The following ZNF536 variants were observed in gnomAD, a reference collection of about 807,000 sequenced individuals.
ZNF536 encodes the protein zinc finger protein 536.
A neutral mutation model predicts 84.5 loss-of-function variants in ZNF536; 13 were observed. The observed-to-expected ratio is 0.15, with a 90% CI of 0.10 to 0.24. ZNF536 has a LOEUF of 0.24. ZNF536 is among the 10% of genes least tolerant of loss of function. The probability of loss-of-function intolerance (pLI) is 1.00; values close to 1 mark genes in which losing one functional copy is unlikely to be tolerated. For missense variants in ZNF536, 1,536 were observed against 1,747.5 expected (o/e 0.88, Z 2.16); for synonymous variants, 811 against 742.5 (o/e 1.09, Z -1.50).
intron 1 of ZNF536, among the ~76,000 whole-genome samples, chr19:30,681,975 T>G (rs2050990766): frequency 6.6e-6 from 1 of 152,168 alleles, no homozygotes; most frequent in Non-Finnish European, 1.5e-5. Flanking sequence ...GTAAGCGATT[T>G]GTGCATAATC....
chr19:30,227,739 AGCCGCCGCC>A (rs532344713), upstream of ZNF536, among the ~76,000 whole-genome samples: 4 of 150,166 alleles, frequency 2.7e-5, no homozygotes, highest in East Asian at 4.1e-4. Context: ...TTCTCCCGGC[AGCCGCCGCC>A]GCCGCCGCCG....
At chr19:30,253,956 C>T (rs921897013) in intron 1 of ZNF536, among the ~76,000 whole-genome samples, 4 of 151,944 alleles carry the variant, frequency 2.6e-5, no homozygotes, top group African/African-American at 9.7e-5. Context: ...AAAGCAGAAG[C>T]TGTTCCTGTT....
intron 1 of ZNF536, among the ~76,000 whole-genome samples, chr19:30,244,114 C>T (rs16963956): frequency 0.14 from 21,503 of 152,192 alleles, 1,829 homozygotes; most frequent in South Asian, 0.32. Context: ...TTTCCAAGTA[C>T]CGATTGTCAG....
intron 1 of ZNF536, among the ~76,000 whole-genome samples, chr19:30,669,905 A>G (rs959105624): frequency 6.6e-6 from 1 of 152,232 alleles, no homozygotes; most frequent in Non-Finnish European, 1.5e-5. Flanking sequence ...AGTTCTATGA[A>G]CTAGGGCGGA....
intron 1 of ZNF536, among the ~76,000 whole-genome samples, chr19:30,249,407 G>T (rs779458929): frequency 3.1e-4 from 47 of 152,102 alleles, no homozygotes; most frequent in Admixed American, 4.6e-4. Flanking sequence ...ATTTTAACAC[G>T]CCCTTGTGGC....
At chr19:30,672,085 C>A (rs1028614936) in intron 1 of ZNF536, among the ~76,000 whole-genome samples, 3 of 152,248 alleles carry the variant, frequency 2.0e-5, no homozygotes, top group African/African-American at 7.2e-5. Flanking sequence ...CTCAACGTTT[C>A]TTTTTCCTTG....
intron 1 of ZNF536, among the ~76,000 whole-genome samples, chr19:30,422,915 C>T (rs1004736135): frequency 7.4e-6 from 1 of 134,442 alleles, no homozygotes; most frequent in Admixed American, 7.6e-5. Flanking sequence ...CCATCCCTCC[C>T]TTCATCTGCC....
intron 1 of ZNF536, among the ~76,000 whole-genome samples, chr19:30,422,890 C>A (rs950500726): frequency 5.6e-4 from 78 of 138,688 alleles, no homozygotes; most frequent in Non-Finnish European, 1.1e-3. Context: ...TCCATCCATG[C>A]GTCTACCCAC....
At chr19:30,472,058 TCGCG>T (rs1222196122) in intron 2 of ZNF536, among the ~76,000 whole-genome samples, 2 of 152,188 alleles carry the variant, frequency 1.3e-5, no homozygotes, top group Non-Finnish European at 2.9e-5. Context: ...GAGGAGGGCA[TCGCG>T]CTACCTGGTC....
intron 2 of ZNF536, among the ~76,000 whole-genome samples, chr19:30,331,513 G>A (rs377139153): frequency 1.2e-4 from 19 of 152,122 alleles, no homozygotes; most frequent in East Asian, 7.8e-4. Flanking sequence ...CGTCTCCTGA[G>A]GTGTGTGTTC....
At chr19:30,529,941 C>G (rs2145857541) in intron 2 of ZNF536, among the ~76,000 whole-genome samples, 1 of 152,296 alleles carries the variant, frequency 6.6e-6, no homozygotes, top group Non-Finnish European at 1.5e-5. Context: ...AGAAAAGAAA[C>G]AAGGGCCACA....
At chr19:30,478,584 G>A (rs1191869649) in intron 2 of ZNF536, among the ~76,000 whole-genome samples, 2 of 152,158 alleles carry the variant, frequency 1.3e-5, no homozygotes, top group African/African-American at 2.4e-5. Flanking sequence ...GGGAATAATA[G>A]TACTTACCTT....
intron 3 of ZNF536, among the ~76,000 whole-genome samples, chr19:30,362,305 C>G (rs535510134): frequency 6.6e-6 from 1 of 152,056 alleles, no homozygotes; most frequent in Non-Finnish European, 1.5e-5. Flanking sequence ...TCCTAGTGAG[C>G]TCCGGAAGAT....
At chr19:30,566,323 T>C (rs1467073230) in intron 1 of ZNF536, among the ~76,000 whole-genome samples, 2 of 152,144 alleles carry the variant, frequency 1.3e-5, no homozygotes, top group African/African-American at 4.8e-5. Flanking sequence ...ACAGCTCCCT[T>C]TATCCCAGCA....
At chr19:30,384,709 T>C (rs2049267476) in intron 1 of ZNF536, among the ~76,000 whole-genome samples, 1 of 152,042 alleles carries the variant, frequency 6.6e-6, no homozygotes, top group Non-Finnish European at 1.5e-5. Flanking sequence ...TGGCTTGGAA[T>C]AGGGGTACCA....
chr19:30,548,922 C>G lies in ZNF536; in HGVS notation c.3303C>G (p.Asp1101Glu), dbSNP rs754761640. 10 of 1,614,044 alleles carry G rather than the reference C, an allele frequency of 6.2e-6. No homozygotes were observed. The highest frequency in any genetic ancestry group is 8.5e-6 in the Non-Finnish European group (10 of 1,180,046). ...GCGGTGCATGGACCGGCCACGTGGA[C>G]CCTGCATTTTGTAACTTCCCATCAG... ...QKSGAWTGHV[D>E]PAFCNFPSDF... The change falls in exon 4 of 5, where the codon GAC becomes GAG. Residue 1101 changes from aspartate (D) to glutamate (E), a missense_variant. Coordinates refer to ENST00000355537, the MANE Select transcript of ZNF536 (RefSeq NM_014717.3).
chr19:30,399,053 T>C (rs918228221), intron 1 of ZNF536, among the ~76,000 whole-genome samples: 1 of 152,234 alleles, frequency 6.6e-6, no homozygotes, highest in Non-Finnish European at 1.5e-5. Context: ...AGCATTCCTA[T>C]TTCTCCACAT....
chr19:30,612,173 C>T (rs2048126557), intron 1 of ZNF536, among the ~76,000 whole-genome samples: 1 of 152,124 alleles, frequency 6.6e-6, no homozygotes, highest in Non-Finnish European at 1.5e-5. Context: ...GAGTTTTATG[C>T]TCTACATTTT....
chr19:30,680,120 T>C (rs2050907548), intron 1 of ZNF536, among the ~76,000 whole-genome samples: 1 of 152,102 alleles, frequency 6.6e-6, no homozygotes, highest in Non-Finnish European at 1.5e-5. Flanking sequence ...AGGCCGGAGA[T>C]GACAATCCTG....
Sources: allele counts gnomAD v4.1 joint callset (sites outside exome capture counted in the v4.1 genomes callset), GRCh38; gene constraint gnomAD v4.1.1; transcripts MANE v1.5; gene names NCBI Gene and HGNC (gene_info 2026-07-23, HGNC 2026-07-21).